CNTNAP2: variants seen among roughly 807,000 people sequenced by gnomAD.
CNTNAP2 encodes the protein contactin associated protein 2.
CNTNAP2 carries 98 observed loss-of-function variants against 155.2 expected under a neutral mutation model. The ratio of observed to expected loss-of-function variants is 0.63; its 90% CI spans 0.54 to 0.75. The LOEUF (loss-of-function observed/expected upper bound fraction) is 0.75. Ranked by LOEUF, CNTNAP2 falls within the 30% of genes least tolerant of loss-of-function variation. The probability of loss-of-function intolerance (pLI) is 0.00; values close to 1 mark genes in which losing one functional copy is unlikely to be tolerated. For missense variants in CNTNAP2, 1,727 were observed against 1,688.1 expected (o/e 1.02, Z -0.40); for synonymous variants, 651 against 631.2 (o/e 1.03, Z -0.47).
intron 17 of CNTNAP2, among the ~76,000 whole-genome samples, chr7:148,154,800 G>A (rs1412936676): frequency 6.6e-6 from 1 of 152,136 alleles, no homozygotes; most frequent in African/African-American, 2.4e-5. Context: ...ACTCAGGCAT[G>A]CTGGTGGGTG....
At chr7:146,747,694 A>T (rs554544947) in intron 1 of CNTNAP2, among the ~76,000 whole-genome samples, 35 of 152,330 alleles carry the variant, frequency 2.3e-4, no homozygotes, top group African/African-American at 5.8e-4. Context: ...TTTTAAATGT[A>T]CTATGTGTGT....
chr7:146,645,070 CA>C (rs993289446), intron 1 of CNTNAP2, among the ~76,000 whole-genome samples: 2 of 151,966 alleles, frequency 1.3e-5, no homozygotes, highest in African/African-American at 4.8e-5. Context: ...AAAAGAAATT[CA>C]AAAAAATCAT....
intron 11 of CNTNAP2, among the ~76,000 whole-genome samples, chr7:147,516,384 C>T (rs1280466669): frequency 2.0e-5 from 3 of 152,046 alleles, no homozygotes; most frequent in Admixed American, 6.6e-5. Flanking sequence ...TGCTTATTTC[C>T]GTGTTAAAAT....
chr7:147,084,509 T>C (rs914693571), intron 4 of CNTNAP2, among the ~76,000 whole-genome samples: 5 of 141,978 alleles, frequency 3.5e-5, no homozygotes, highest in African/African-American at 1.3e-4. Flanking sequence ...ATAAATGCTC[T>C]ATATTGTATA....
chr7:146,459,660 G>T (rs1796607527), intron 1 of CNTNAP2, among the ~76,000 whole-genome samples: 1 of 152,082 alleles, frequency 6.6e-6, no homozygotes, highest in South Asian at 2.1e-4. Flanking sequence ...AAGCCACAAG[G>T]AGGTTTTAAA....
At chr7:146,716,705 G>A (rs1167462376) in intron 1 of CNTNAP2, among the ~76,000 whole-genome samples, 2 of 152,110 alleles carry the variant, frequency 1.3e-5, no homozygotes, top group Middle Eastern at 3.2e-3. Context: ...CTTGGAGATG[G>A]CCATTATAAT....
chr7:148,420,917 G>C lies in CNTNAP2; in HGVS notation c.*5301G>C, dbSNP rs1800099855. On this transcript the variant is annotated 3_prime_UTR_variant, in exon 24 of 24. Transcript: ENST00000361727. The stretch of plus-strand genomic sequence containing the variant: ...TGTACGTATGCCTAATATTCTTTGT[G>C]AATGTCTTTCATTTAACTAAAATTA... 6.6e-6 allele frequency: 1 copy of C among 152,638 alleles called. No individual in the cohort carries two copies. Among genetic ancestry groups the C allele is most frequent in the Non-Finnish European group, 1.5e-5 (1 of 68,040 alleles). 9.5% of individuals were successfully genotyped at this position (152,638 alleles called of 1,614,324 possible).
chr7:147,412,697 G>C (rs527734526), intron 10 of CNTNAP2, among the ~76,000 whole-genome samples: 1 of 152,118 alleles, frequency 6.6e-6, no homozygotes, highest in African/African-American at 2.4e-5. Flanking sequence ...AGAAGGAAAA[G>C]AACAATTCTA....
At chr7:148,029,467 G>T (rs1802431121) in intron 15 of CNTNAP2, among the ~76,000 whole-genome samples, 1 of 152,176 alleles carries the variant, frequency 6.6e-6, no homozygotes, top group Non-Finnish European at 1.5e-5. Flanking sequence ...CTAGAGAAAT[G>T]AAGGAGTTGC....
At chr7:148,396,379 A>C (rs1585340848) in intron 22 of CNTNAP2, among the ~76,000 whole-genome samples, 1 of 152,142 alleles carries the variant, frequency 6.6e-6, no homozygotes, top group East Asian at 1.9e-4. Context: ...CTTCTGTTAC[A>C]GCACCATATC....
chr7:147,685,847 T>G (rs1796009509), intron 13 of CNTNAP2, among the ~76,000 whole-genome samples: 1 of 151,786 alleles, frequency 6.6e-6, no homozygotes, highest in Non-Finnish European at 1.5e-5. Flanking sequence ...ATGCTATCTG[T>G]GGGGAAGATT....
intron 4 of CNTNAP2, among the ~76,000 whole-genome samples, chr7:147,062,873 C>G (rs555692716): frequency 3.4e-4 from 52 of 152,158 alleles, no homozygotes; most frequent in Non-Finnish European, 5.3e-4. Context: ...AAAATGAGGT[C>G]TTGATGCTCA....
chr7:148,226,234 T>A (rs1010087672), intron 19 of CNTNAP2, among the ~76,000 whole-genome samples: 2 of 148,360 alleles, frequency 1.3e-5, no homozygotes, highest in Non-Finnish European at 3.0e-5. Context: ...GAGTCTGGAG[T>A]TCAAGAGAGA....
intron 9 of CNTNAP2, among the ~76,000 whole-genome samples, chr7:147,337,236 G>T (rs1795679457): frequency 6.6e-6 from 1 of 152,006 alleles, no homozygotes; most frequent in African/African-American, 2.4e-5. Context: ...CCCCACTAAG[G>T]CACAGGAAAA....
At chr7:147,788,900 CTTTTTTTTT>C (rs11440955) in intron 13 of CNTNAP2, among the ~76,000 whole-genome samples, 7,260 of 100,774 alleles carry the variant, frequency 0.072, 293 homozygotes, top group Middle Eastern at 0.24. Flanking sequence ...TTTTCTTTTT[CTTTTTTTTT>C]TTTTTTTTTT....
rs1455104513 is a variant in CNTNAP2, at chr7:148,366,014, A to G, written c.3476-17635A>G. On this transcript the variant is annotated intron_variant, in intron 21 of 23. Coordinates refer to ENST00000361727, the MANE Select transcript of CNTNAP2 (RefSeq NM_014141.6). ...TGTGTATGCATGTATGCATGTGTGT[A>G]TGCATGTATGCATGTGTGTGTATGC... Among the ~76,000 whole-genome samples the G allele has an allele frequency of 5.0e-3, 6 of 1,198 alleles. 2 individuals carry two copies. The highest frequency in any genetic ancestry group is 5.9e-3 in the African/African-American group (6 of 1,020). 0.8% of individuals were successfully genotyped at this position (1,198 alleles called of 152,430 possible).
chr7:146,896,095 G>A (rs935030692), intron 3 of CNTNAP2, among the ~76,000 whole-genome samples: 4 of 152,054 alleles, frequency 2.6e-5, no homozygotes, highest in Non-Finnish European at 4.4e-5. Context: ...AATGTCAAAT[G>A]CAGACAAATT....
intron 11 of CNTNAP2, among the ~76,000 whole-genome samples, chr7:147,499,360 C>T (rs1398803728): frequency 6.6e-6 from 1 of 151,912 alleles, no homozygotes; most frequent in Non-Finnish European, 1.5e-5. Flanking sequence ...GAAACCCCGT[C>T]TCTACTAAAA....
At chr7:147,450,341 T>G (rs1203005742) in intron 10 of CNTNAP2, among the ~76,000 whole-genome samples, 1 of 152,216 alleles carries the variant, frequency 6.6e-6, no homozygotes, top group East Asian at 1.9e-4. Context: ...AACATTATCC[T>G]CATGCTACAG....
Sources: gnomAD v4.1 joint callset for allele counts (sites outside exome capture counted in the v4.1 genomes callset) on GRCh38, gnomAD v4.1.1 for gene constraint, MANE v1.5 for transcripts, NCBI Gene and HGNC (gene_info 2026-07-23, HGNC 2026-07-21) for gene names.